GBE1: variants seen among roughly 807,000 people sequenced by gnomAD.
The protein encoded by GBE1 is 1,4-alpha-glucan-branching enzyme.
GBE1 carries 70 observed loss-of-function variants against 88.8 expected under a neutral mutation model. The observed-to-expected ratio is 0.79, with a 90% CI of 0.65 to 0.96. The LOEUF (loss-of-function observed/expected upper bound fraction) is 0.96. GBE1 is among the 40% of genes least tolerant of loss of function. GBE1 has a pLI of 0.00. For missense variants in GBE1, 872 were observed against 871.0 expected (o/e 1.00, Z -0.01); for synonymous variants, 284 against 300.1 (o/e 0.95, Z 0.56).
intron 12 of GBE1, among the ~76,000 whole-genome samples, chr3:81,574,799 C>T (rs1017519562): frequency 7.9e-5 from 12 of 151,922 alleles, no homozygotes; most frequent in African/African-American, 2.2e-4. Context: ...TTCTTTTGAA[C>T]AAATATCTGG....
intron 7 of GBE1, among the ~76,000 whole-genome samples, chr3:81,636,986 A>G (rs1273945345): frequency 6.6e-6 from 1 of 152,200 alleles, no homozygotes; most frequent in Non-Finnish European, 1.5e-5. Context: ...GATACAGTCC[A>G]AGACTGCCAG....
chr3:81,613,396 G>C (rs1704207878), intron 7 of GBE1, among the ~76,000 whole-genome samples: 1 of 152,070 alleles, frequency 6.6e-6, no homozygotes, highest in South Asian at 2.1e-4. Context: ...AATCTGGAGG[G>C]TGCTAAGTCC....
At chr3:81,662,826 G>C (rs749678222) in intron 3 of GBE1, among the ~76,000 whole-genome samples, 2 of 151,958 alleles carry the variant, frequency 1.3e-5, no homozygotes, top group East Asian at 1.9e-4. Flanking sequence ...TTCTTTCCTT[G>C]TATTAGAGAA....
At chr3:81,585,389 G>GTA (rs1459360257) in intron 10 of GBE1, among the ~76,000 whole-genome samples, 1 of 151,874 alleles carries the variant, frequency 6.6e-6, no homozygotes, top group Non-Finnish European at 1.5e-5. Context: ...ATGATTATTT[G>GTA]TATATATATC....
chr3:81,499,470 C>G (rs572128740), intron 14 of GBE1, among the ~76,000 whole-genome samples: 1 of 152,132 alleles, frequency 6.6e-6, no homozygotes, highest in South Asian at 2.1e-4. Flanking sequence ...CAGCCTGGGA[C>G]GAAACATACC....
intron 14 of GBE1, among the ~76,000 whole-genome samples, chr3:81,501,880 G>T (rs865991956): frequency 6.6e-6 from 1 of 150,772 alleles, no homozygotes; most frequent in East Asian, 2.0e-4. Flanking sequence ...TATATTTTTC[G>T]TAGAGATGGG....
At chr3:81,522,924 G>A (rs1415322794) in intron 14 of GBE1, among the ~76,000 whole-genome samples, 1 of 151,458 alleles carries the variant, frequency 6.6e-6, no homozygotes, top group Non-Finnish European at 1.5e-5. Flanking sequence ...ATAGCTTCCA[G>A]AAGAGGTGAC....
chr3:81,605,489 T>C (rs1381721119), intron 7 of GBE1, among the ~76,000 whole-genome samples: 1 of 152,136 alleles, frequency 6.6e-6, no homozygotes, highest in Non-Finnish European at 1.5e-5. Context: ...GAAACGCACA[T>C]AACAGTGCAT....
At chr3:81,558,740 A>C (rs1311528687) in intron 12 of GBE1, among the ~76,000 whole-genome samples, 1 of 152,140 alleles carries the variant, frequency 6.6e-6, no homozygotes, top group Non-Finnish European at 1.5e-5. Flanking sequence ...TCTTCACTAA[A>C]AAATAATTTT....
chr3:81,557,657 T>C (rs994078625), intron 12 of GBE1, among the ~76,000 whole-genome samples: 5 of 152,046 alleles, frequency 3.3e-5, no homozygotes, highest in African/African-American at 4.8e-5. Context: ...ATGTTTGTAA[T>C]TCAGAATAAA....
intron 14 of GBE1, among the ~76,000 whole-genome samples, chr3:81,512,792 G>T (rs1486841267): frequency 6.6e-6 from 1 of 151,806 alleles, no homozygotes; most frequent in Non-Finnish European, 1.5e-5. Flanking sequence ...ATGGGTTAAT[G>T]TAAGTAAAAG....
At chr3:81,740,789 C>CACACACACAA (rs1462923824) in intron 1 of GBE1, among the ~76,000 whole-genome samples, 1 of 151,908 alleles carries the variant, frequency 6.6e-6, no homozygotes, top group South Asian at 2.1e-4. Context: ...CACACACACA[C>CACACACACAA]AATTTATTTA....
At chr3:81,748,018 G>A (rs1199215162) in intron 1 of GBE1, among the ~76,000 whole-genome samples, 1 of 152,162 alleles carries the variant, frequency 6.6e-6, no homozygotes, top group African/African-American at 2.4e-5. Context: ...TACTAGGGAG[G>A]TTGAAGCAGG....
chr3:81,569,006 T>C lies in GBE1; in HGVS notation c.1618+8919A>G, dbSNP rs76738746. Among the ~76,000 whole-genome samples the C allele has an allele frequency of 5.8e-3, 890 of 152,144 alleles. 6 individuals carry two copies. The highest frequency in any genetic ancestry group is 0.017 in the African/African-American group (704 of 41,494). ...CACCCCCCCAAAATATGAATTGACATTTTAAAGATCTAAAAAAAATACCAA... is the reference window on the plus strand; with the variant it reads ...CACCCCCCCAAAATATGAATTGACACTTTAAAGATCTAAAAAAAATACCAA... On this transcript the variant is annotated intron_variant, in intron 12 of 15. Coordinates refer to ENST00000429644, the MANE Select transcript of GBE1 (RefSeq NM_000158.4).
chr3:81,615,553 C>T (rs548834805), intron 7 of GBE1, among the ~76,000 whole-genome samples: 36 of 152,178 alleles, frequency 2.4e-4, no homozygotes, highest in African/African-American at 6.8e-4. Context: ...CCTTTGGGGA[C>T]GAGCTTTTGC....
chr3:81,673,209 A>G (rs190986208), intron 2 of GBE1, among the ~76,000 whole-genome samples: 1 of 152,070 alleles, frequency 6.6e-6, no homozygotes, highest in African/African-American at 2.4e-5. Context: ...AGAACACTAT[A>G]TGATTCCTGC....
chr3:81,698,008 G>A (rs1393996654), intron 2 of GBE1, among the ~76,000 whole-genome samples: 2 of 145,572 alleles, frequency 1.4e-5, no homozygotes, highest in African/African-American at 5.0e-5. Flanking sequence ...TAATATATTA[G>A]GTGTTATATA....
At chr3:81,491,345 G>T (rs1157219813) in intron 15 of GBE1, among the ~76,000 whole-genome samples, 1 of 152,072 alleles carries the variant, frequency 6.6e-6, no homozygotes, top group Non-Finnish European at 1.5e-5. Context: ...TCCCTCATTA[G>T]ACTATGAGCT....
intron 1 of GBE1, among the ~76,000 whole-genome samples, chr3:81,722,778 C>T (rs116569296): frequency 0.017 from 2,614 of 151,416 alleles, 89 homozygotes; most frequent in African/African-American, 0.061. Flanking sequence ...TTCAAGGCTT[C>T]GATGGCTCTG....
Sources: allele counts gnomAD v4.1 joint callset (sites outside exome capture counted in the v4.1 genomes callset), GRCh38; gene constraint gnomAD v4.1.1; transcripts MANE v1.5; gene names NCBI Gene and HGNC (gene_info 2026-07-23, HGNC 2026-07-21).